The following DGKI variants were observed in gnomAD, a reference collection of about 807,000 sequenced individuals.
The protein encoded by DGKI is diacylglycerol kinase iota.
A neutral mutation model predicts 147.5 loss-of-function variants in DGKI; 55 were observed. The observed-to-expected ratio is 0.37, with a 90% CI of 0.30 to 0.47. DGKI has a LOEUF of 0.47. DGKI is among the 20% of genes least tolerant of loss of function. The probability of loss-of-function intolerance (pLI) is 1.00; values close to 1 mark genes in which losing one functional copy is unlikely to be tolerated. For missense variants in DGKI, 1,007 were observed against 1,323.8 expected, an observed-to-expected ratio of 0.76 and a Z score of 3.71; for synonymous variants, 469 against 477.1, an observed-to-expected ratio of 0.98 and a Z score of 0.22.
At chr7:137,443,679 T>A (rs1027451568) in intron 28 of DGKI, among the ~76,000 whole-genome samples, 3 of 152,208 alleles carry the variant, frequency 2.0e-5, no homozygotes, top group Admixed American at 6.5e-5. Context: ...ATGATCCCAA[T>A]GTCCATTCTG....
intron 1 of DGKI, among the ~76,000 whole-genome samples, chr7:137,721,561 G>A (rs866800521): frequency 2.0e-5 from 3 of 152,082 alleles, no homozygotes; most frequent in East Asian, 1.9e-4. Context: ...CCTTCCTAAC[G>A]GTCTCCCTGC....
intron 6 of DGKI, among the ~76,000 whole-genome samples, chr7:137,640,504 G>T (rs1821586088): frequency 6.6e-6 from 1 of 152,076 alleles, no homozygotes; most frequent in African/African-American, 2.4e-5. Context: ...CAAACACACA[G>T]ACAGGCAAAT....
Position 137,395,357 on chromosome 7 carries a change from C to A in DGKI, c.3057+241G>T, listed in dbSNP as rs114031128. 2.2e-3 allele frequency among the ~76,000 whole-genome samples: 336 copies of A among 152,316 alleles called. 4 individuals are homozygous for A. Among genetic ancestry groups the A allele is most frequent in the African/African-American group, 7.8e-3 (323 of 41,574 alleles). The stretch of plus-strand genomic sequence containing the variant: ...GCTCAGCAGGACAACCCCAAAGTCC[C>A]AAGGTCAACGTGTTCAGAGGTTTAT... On this transcript the variant is annotated intron_variant, in intron 32 of 32. Transcript: ENST00000614521.
At chr7:137,501,694 A>G (rs1447150093) in intron 21 of DGKI, among the ~76,000 whole-genome samples, 4 of 152,184 alleles carry the variant, frequency 2.6e-5, no homozygotes, top group South Asian at 2.1e-4. Context: ...TGAATTGCGT[A>G]GAGGCCAATG....
At chr7:137,676,484 T>TC (rs1239836428) in intron 3 of DGKI, among the ~76,000 whole-genome samples, 2 of 152,156 alleles carry the variant, frequency 1.3e-5, no homozygotes, top group Non-Finnish European at 2.9e-5. Flanking sequence ...AAACAGTGTT[T>TC]CCCCCACTTT....
chr7:137,811,327 C>G (rs1429533043), intron 1 of DGKI, among the ~76,000 whole-genome samples: 1 of 151,492 alleles, frequency 6.6e-6, no homozygotes, highest in Admixed American at 6.6e-5. Flanking sequence ...AGATTTAATT[C>G]TCTCTGTCTG....
intron 28 of DGKI, among the ~76,000 whole-genome samples, chr7:137,422,590 C>CTTT (rs1554400987): frequency 6.9e-5 from 4 of 58,366 alleles, no homozygotes; most frequent in Admixed American, 1.7e-4. Flanking sequence ...TTTTCTTTTT[C>CTTT]TTTTCTTTTT....
chr7:137,573,141 T>C (rs1818849378), intron 17 of DGKI, among the ~76,000 whole-genome samples: 1 of 152,204 alleles, frequency 6.6e-6, no homozygotes, highest in South Asian at 2.1e-4. Flanking sequence ...TGGATGATTA[T>C]TAGTTATCTA....
At chr7:137,649,379 T>A (rs1821943722) in intron 5 of DGKI, among the ~76,000 whole-genome samples, 1 of 152,184 alleles carries the variant, frequency 6.6e-6, no homozygotes, top group African/African-American at 2.4e-5. Flanking sequence ...ACTGCAAATG[T>A]GACTGTTGAT....
chr7:137,588,610 G>C (rs923092685), intron 12 of DGKI, among the ~76,000 whole-genome samples: 1 of 151,456 alleles, frequency 6.6e-6, no homozygotes, highest in Admixed American at 6.6e-5. Context: ...CCAAGTAGCC[G>C]GGACTACAGG....
chr7:137,442,066 T>C (rs1235960694), intron 28 of DGKI, among the ~76,000 whole-genome samples: 1 of 152,182 alleles, frequency 6.6e-6, no homozygotes, highest in African/African-American at 2.4e-5. Flanking sequence ...AACAATTACA[T>C]AGGATTAGGT....
At chr7:137,772,029 C>T (rs966929356) in intron 1 of DGKI, 2 of 152,116 alleles carry the variant, frequency 1.3e-5, no homozygotes, top group Non-Finnish European at 2.9e-5. Flanking sequence ...CATTCGTGTC[C>T]GTAAAGAAAG....
chr7:137,777,230 A>G (rs894170823), intron 1 of DGKI, among the ~76,000 whole-genome samples: 3 of 152,184 alleles, frequency 2.0e-5, no homozygotes, highest in Non-Finnish European at 2.9e-5. Context: ...AAACTTTAGT[A>G]TATATGCATG....
At chr7:137,445,347 T>C (rs1266032276) in intron 27 of DGKI, among the ~76,000 whole-genome samples, 1 of 152,186 alleles carries the variant, frequency 6.6e-6, no homozygotes, top group African/African-American at 2.4e-5. Context: ...GTAGACTTTT[T>C]CATGAAAACT....
intron 24 of DGKI, among the ~76,000 whole-genome samples, chr7:137,469,304 G>A (rs775652290): frequency 6.6e-6 from 1 of 152,150 alleles, no homozygotes; most frequent in African/African-American, 2.4e-5. Context: ...GAAAAACATC[G>A]GCCTGAGCAA....
intron 28 of DGKI, among the ~76,000 whole-genome samples, chr7:137,426,452 A>T (rs956670387): frequency 1.3e-5 from 2 of 152,234 alleles, no homozygotes; most frequent in African/African-American, 4.8e-5. Context: ...ATCATGCCAA[A>T]TTGTAAAGAC....
At chr7:137,442,285 C>T (rs1813540432) in intron 28 of DGKI, among the ~76,000 whole-genome samples, 1 of 152,182 alleles carries the variant, frequency 6.6e-6, no homozygotes, top group Admixed American at 6.5e-5. Flanking sequence ...GCAAGTCTTT[C>T]TGTCAGTAGT....
chr7:137,515,428 A>G (rs1175352529), intron 21 of DGKI, among the ~76,000 whole-genome samples: 1 of 152,216 alleles, frequency 6.6e-6, no homozygotes, highest in Admixed American at 6.5e-5. Flanking sequence ...TGTTGAATTT[A>G]TGAATGGCTG....
chr7:137,420,560 T>A (rs914753044), intron 28 of DGKI, among the ~76,000 whole-genome samples: 73 of 151,928 alleles, frequency 4.8e-4, no homozygotes, highest in African/African-American at 1.7e-3. Context: ...ATGTCATGAG[T>A]ATCTTGGCCT....
Sources: allele counts gnomAD v4.1 joint callset (sites outside exome capture counted in the v4.1 genomes callset), GRCh38; gene constraint gnomAD v4.1.1; transcripts MANE v1.5; gene names NCBI Gene and HGNC (gene_info 2026-07-23, HGNC 2026-07-21).